EXOC6B: variants seen among roughly 807,000 people sequenced by gnomAD.
EXOC6B encodes the protein exocyst complex component 6B.
EXOC6B carries 54 observed loss-of-function variants against 113.5 expected under a neutral mutation model. The observed-to-expected ratio is 0.48, with a 90% CI of 0.38 to 0.60. The LOEUF (loss-of-function observed/expected upper bound fraction) is 0.60, where lower values mean the gene tolerates loss of function less well. Ranked by LOEUF, EXOC6B falls within the 20% of genes least tolerant of loss-of-function variation. EXOC6B has a pLI of 0.00. For missense variants in EXOC6B, 797 were observed against 977.5 expected (o/e 0.82, Z 2.46); for synonymous variants, 357 against 339.0 (o/e 1.05, Z -0.58).
intron 20 of EXOC6B, among the ~76,000 whole-genome samples, chr2:72,245,436 G>A (rs1486156017): frequency 2.0e-5 from 3 of 152,234 alleles, no homozygotes; most frequent in African/African-American, 7.2e-5. Flanking sequence ...CCACATGTAT[G>A]GACAGACAAA....
chr2:72,227,737 T>G lies in EXOC6B; in HGVS notation c.2197-43550A>C, dbSNP rs1456180883. 2.6e-5 allele frequency among the ~76,000 whole-genome samples: 4 copies of G among 152,326 alleles called. No homozygotes were observed. In the East Asian group the frequency reaches 7.7e-4, roughly 29 times the overall value. On this transcript the variant is annotated intron_variant, in intron 20 of 21. Coordinates refer to ENST00000272427, the MANE Select transcript of EXOC6B (RefSeq NM_015189.3). The stretch of plus-strand genomic sequence containing the variant: ...AACCTTAATAAATACCACATTCTTT[T>G]AATCACTGAAATAAAATTATAAATA...
At chr2:72,458,893 T>C (rs1697429630) in intron 18 of EXOC6B, among the ~76,000 whole-genome samples, 1 of 151,148 alleles carries the variant, frequency 6.6e-6, no homozygotes, top group Non-Finnish European at 1.5e-5. Context: ...GCAAAAGCAA[T>C]TAAAAAATAT....
At chr2:72,434,163 ATGTGGCTTTTGT>A in intron 18 of EXOC6B, among the ~76,000 whole-genome samples, 1 of 152,330 alleles carries the variant, frequency 6.6e-6, no homozygotes, top group East Asian at 1.9e-4. Context: ...TGAGATAATC[ATGTGGCTTTTGT>A]CATTGCTTTT....
intron 18 of EXOC6B, among the ~76,000 whole-genome samples, chr2:72,401,496 T>TATATATATATATATATATACATATATAC: frequency 3.8e-5 from 2 of 52,588 alleles, no homozygotes; most frequent in East Asian, 6.3e-4. Context: ...TTTATATACA[T>TATATATATATATATATATACATATATAC]ATATATATAT....
intron 18 of EXOC6B, among the ~76,000 whole-genome samples, chr2:72,387,046 A>T (rs940230749): frequency 1.3e-5 from 2 of 152,168 alleles, no homozygotes; most frequent in African/African-American, 4.8e-5. Context: ...ATCAGATTAC[A>T]TAAGACTAGC....
intron 8 of EXOC6B, among the ~76,000 whole-genome samples, chr2:72,534,915 T>C (rs1467097278): frequency 2.6e-5 from 4 of 152,190 alleles, no homozygotes; most frequent in Non-Finnish European, 5.9e-5. Context: ...TTTCCAGGAA[T>C]GGATGAAGGT....
intron 1 of EXOC6B, among the ~76,000 whole-genome samples, chr2:72,776,544 G>T (rs1683712375): frequency 6.6e-6 from 1 of 152,080 alleles, no homozygotes; most frequent in Non-Finnish European, 1.5e-5. Context: ...TTGAGCCCCA[G>T]AGGTGGAGGT....
intron 16 of EXOC6B, among the ~76,000 whole-genome samples, chr2:72,487,887 T>C (rs1282783679): frequency 6.6e-6 from 1 of 152,196 alleles, no homozygotes; most frequent in African/African-American, 2.4e-5. Flanking sequence ...CTGCCAGTTT[T>C]CTTCACTGTA....
intron 6 of EXOC6B, among the ~76,000 whole-genome samples, chr2:72,600,965 G>T (rs1368407238): frequency 6.6e-6 from 1 of 151,736 alleles, no homozygotes; most frequent in Non-Finnish European, 1.5e-5. Context: ...AAAAAAAAGG[G>T]AAAGGATTCA....
chr2:72,212,281 T>C (rs965730965), intron 20 of EXOC6B, among the ~76,000 whole-genome samples: 9 of 152,174 alleles, frequency 5.9e-5, no homozygotes, highest in African/African-American at 2.2e-4. Context: ...AGCTCTTAAT[T>C]CACTCCACAA....
intron 8 of EXOC6B, among the ~76,000 whole-genome samples, chr2:72,559,214 A>T (rs1703747603): frequency 6.6e-6 from 1 of 152,258 alleles, no homozygotes; most frequent in South Asian, 2.1e-4. Context: ...ATCTGGATGT[A>T]TGACTATTTC....
At chr2:72,489,380 A>G (rs1288649759) in intron 16 of EXOC6B, among the ~76,000 whole-genome samples, 1 of 152,190 alleles carries the variant, frequency 6.6e-6, no homozygotes, top group Non-Finnish European at 1.5e-5. Context: ...AAGGTAATAA[A>G]CAAATTATCT....
chr2:72,447,259 C>T (rs933853905), intron 18 of EXOC6B, among the ~76,000 whole-genome samples: 2 of 152,114 alleles, frequency 1.3e-5, no homozygotes, highest in African/African-American at 4.8e-5. Context: ...GAGCTAGTTA[C>T]TTGAGGGAAG....
chr2:72,818,205 C>T (rs1307624629), intron 1 of EXOC6B, among the ~76,000 whole-genome samples: 1 of 151,888 alleles, frequency 6.6e-6, no homozygotes, highest in Admixed American at 6.6e-5. Flanking sequence ...AGGGCAGTAG[C>T]GCGATCTCGG....
At chr2:72,317,561 A>T (rs975083485) in intron 20 of EXOC6B, among the ~76,000 whole-genome samples, 2 of 95,326 alleles carry the variant, frequency 2.1e-5, no homozygotes, top group Non-Finnish European at 1.9e-5. Flanking sequence ...TGAACACATC[A>T]CACACACACA....
chr2:72,818,386 C>T (rs756841646), intron 1 of EXOC6B, among the ~76,000 whole-genome samples: 5 of 143,442 alleles, frequency 3.5e-5, no homozygotes, highest in African/African-American at 1.3e-4. Context: ...TGGTCTCGAT[C>T]TCCTGACCTC....
intron 11 of EXOC6B, 58 bp from the exon 12 acceptor site, chr2:72,500,030 ATTTT>A: frequency 9.0e-7 from 1 of 1,116,206 alleles, no homozygotes; most frequent in Non-Finnish European, 1.3e-6. Flanking sequence ...ATGCAATTAA[ATTTT>A]TATTTATTTA....
Position 72,631,740 on chromosome 2 carries a change from G to C in EXOC6B, c.670-56072C>G, listed in dbSNP as rs541715089. ...GGCTTTCTCGAACTCCTAAGCTCAA[G>C]CAATCCACCCGCCTTGGCCTCCCAA... On this transcript the variant is annotated intron_variant, in intron 6 of 21. Coordinates refer to ENST00000272427, the MANE Select transcript of EXOC6B (RefSeq NM_015189.3). 2.0e-5 allele frequency among the ~76,000 whole-genome samples: 3 copies of C among 152,020 alleles called. No individual in the cohort carries two copies. In the East Asian group the frequency reaches 5.8e-4, roughly 29 times the overall value.
At chr2:72,430,569 C>T (rs931763792) in intron 18 of EXOC6B, among the ~76,000 whole-genome samples, 6 of 152,160 alleles carry the variant, frequency 3.9e-5, no homozygotes, top group African/African-American at 1.4e-4. Context: ...ATGGATTGAA[C>T]CTGGGAGGCA....
Sources: allele counts gnomAD v4.1 joint callset (sites outside exome capture counted in the v4.1 genomes callset), GRCh38; gene constraint gnomAD v4.1.1; transcripts MANE v1.5; gene names NCBI Gene and HGNC (gene_info 2026-07-23, HGNC 2026-07-21).